EML6: variants seen among roughly 807,000 people sequenced by gnomAD.
The protein encoded by EML6 is echinoderm microtubule-associated protein-like 6.
In EML6, 154 loss-of-function variants were observed where a neutral mutation model predicts 240.1. The observed-to-expected ratio is 0.64, with a 90% CI of 0.56 to 0.73. The LOEUF (loss-of-function observed/expected upper bound fraction) is 0.73. EML6 is among the 30% of genes least tolerant of loss of function. The pLI is 0.00. For synonymous variants in EML6, 1,148 were observed against 899.0 expected (o/e 1.28, Z -4.95); for missense variants, 2,964 against 2,474.6 (o/e 1.20, Z -4.20).
At chr2:54,783,127 A>T (rs558125504) in intron 2 of EML6, among the ~76,000 whole-genome samples, 19 of 152,290 alleles carry the variant, frequency 1.2e-4, no homozygotes, top group Middle Eastern at 3.4e-3. Flanking sequence ...TAACTAATAA[A>T]AGTTACATCA....
chr2:54,896,719 G>T (rs1672790906), intron 21 of EML6, among the ~76,000 whole-genome samples: 1 of 152,180 alleles, frequency 6.6e-6, no homozygotes, highest in Admixed American at 6.5e-5. Flanking sequence ...CTGCAGGCTT[G>T]CTGTATTACG....
intron 4 of EML6, among the ~76,000 whole-genome samples, chr2:54,817,679 G>A (rs922740845): frequency 2.6e-5 from 4 of 152,116 alleles, no homozygotes; most frequent in Non-Finnish European, 5.9e-5. Context: ...AATATCTTAA[G>A]AACGTTTACA....
At chr2:54,965,352 C>A (rs1051605092) in intron 38 of EML6, among the ~76,000 whole-genome samples, 1 of 152,166 alleles carries the variant, frequency 6.6e-6, no homozygotes, top group African/African-American at 2.4e-5. Context: ...TTTGCTGAAC[C>A]GGGCACTATG....
Position 54,911,429 on chromosome 2 carries a change from A to G in EML6, c.3498+387A>G, listed in dbSNP as rs544519870. On this transcript the variant is annotated intron_variant, in intron 25 of 41. Coordinates refer to ENST00000356458, the MANE Select transcript of EML6 (RefSeq NM_001039753.4). Reference sequence around the variant, plus strand: ...TATGAACATTATTATCTATAACAACAGAATTTTTTTTTTTTTTTGAGGTGG... The same window carrying G: ...TATGAACATTATTATCTATAACAACGGAATTTTTTTTTTTTTTTGAGGTGG... 9.8e-5 allele frequency among the ~76,000 whole-genome samples: 14 copies of G among 143,486 alleles called. 1 individual carries two copies. The South Asian group carries it at 3.0e-3, about 31-fold the overall frequency. The allele number at this position is 143,486 out of a possible 152,430, so 94.1% of individuals were successfully genotyped here. A position where few individuals can be genotyped will look rare whatever the true frequency, so the allele number is the denominator to read the frequency against.
At chr2:54,962,447 G>A (rs967454117) in intron 35 of EML6, 76 bp from the exon 36 acceptor site, 2 of 1,129,322 alleles carry the variant, frequency 1.8e-6, no homozygotes, top group Non-Finnish European at 2.4e-6. Context: ...CCATGAATTT[G>A]TCTACTCTAG....
intron 26 of EML6, among the ~76,000 whole-genome samples, chr2:54,923,367 G>GCGCGCACA (rs1200496290): frequency 6.9e-6 from 1 of 144,364 alleles, no homozygotes; most frequent in African/African-American, 2.6e-5. Flanking sequence ...CTCACCAAAC[G>GCGCGCACA]CACACACACA....
intron 24 of EML6, among the ~76,000 whole-genome samples, chr2:54,905,671 A>T (rs561413801): frequency 6.6e-6 from 1 of 152,292 alleles, no homozygotes; most frequent in South Asian, 2.1e-4. Context: ...TACTGATGAC[A>T]TTCCCATTAA....
intron 2 of EML6, among the ~76,000 whole-genome samples, chr2:54,738,887 T>C (rs565688279): frequency 2.6e-5 from 4 of 152,296 alleles, no homozygotes; most frequent in South Asian, 2.1e-4. Flanking sequence ...CTAGGAGTGG[T>C]ATTGTTAGGT....
Position 54,971,736 on chromosome 2 carries a change from A to T in EML6, c.*1641A>T, listed in dbSNP as rs1186298895. On this transcript the variant is annotated 3_prime_UTR_variant, in exon 42 of 42. Transcript: ENST00000356458. ...TAACCATGTCTGCCTATCTTGTACT[A>T]GACTCTTCATGCTGATCGGATCTTG... The T allele has an allele frequency of 6.6e-6, 1 of 152,198 alleles. No homozygotes were observed. The highest frequency in any genetic ancestry group is 1.5e-5 in the Non-Finnish European group (1 of 68,034). The allele number at this position is 152,198 out of a possible 1,614,324, so 9.4% of individuals were successfully genotyped here.
chr2:54,881,700 C>G (rs370019871), intron 17 of EML6: 1 of 149,732 alleles, frequency 6.7e-6, no homozygotes, highest in East Asian at 1.9e-4. Flanking sequence ...GAAGCGACAA[C>G]GAAGTAATCC....
intron 2 of EML6, among the ~76,000 whole-genome samples, chr2:54,801,715 A>T (rs1670158627): frequency 1.3e-5 from 2 of 152,238 alleles, no homozygotes; most frequent in South Asian, 4.1e-4. Context: ...TCTTCTGAAC[A>T]AACTATTGTA....
At chr2:54,891,303 G>C (rs991958455) in intron 18 of EML6, 149 bp downstream of exon 18, 8 of 504,290 alleles carry the variant, frequency 1.6e-5, no homozygotes, top group Admixed American at 3.1e-5. Flanking sequence ...AGTTCGCTTA[G>C]AACGCTTGAA....
chr2:54,786,125 ATCAAT>A, intron 2 of EML6, among the ~76,000 whole-genome samples: 1 of 151,936 alleles, frequency 6.6e-6, no homozygotes, highest in East Asian at 1.9e-4. Flanking sequence ...TTCTGGTGTA[ATCAAT>A]TTGAGAAGTC....
intron 17 of EML6, among the ~76,000 whole-genome samples, chr2:54,886,139 CTTTTTTTTTTTTTTAACCTTCTTTTTT>C (rs1672122843): frequency 8.0e-6 from 1 of 125,464 alleles, no homozygotes; most frequent in Admixed American, 8.0e-5. Context: ...CAAATGTTTC[CTTTTTTTTTTTTTTAACCTTCTTTTTT>C]TTTTTTTTTT....
intron 22 of EML6, 67 bp from the exon 23 acceptor site, chr2:54,902,977 C>G (rs765092317): frequency 8.4e-6 from 12 of 1,426,648 alleles, no homozygotes; most frequent in Admixed American, 2.1e-5. Flanking sequence ...ATTTCTTCAT[C>G]TTTTCATGTG....
At chr2:54,875,709 TATCTC>T (rs1256530864) in intron 16 of EML6, among the ~76,000 whole-genome samples, 38 of 152,352 alleles carry the variant, frequency 2.5e-4, no homozygotes, top group African/African-American at 9.1e-4. Flanking sequence ...GAATTTATAT[TATCTC>T]AGTTGAGAAC....
chr2:54,839,298 T>C (rs537873984), intron 7 of EML6, among the ~76,000 whole-genome samples: 4 of 152,318 alleles, frequency 2.6e-5, no homozygotes, highest in East Asian at 3.9e-4. Flanking sequence ...TGGGATGTTA[T>C]TAGGAAACAT....
intron 2 of EML6, among the ~76,000 whole-genome samples, chr2:54,782,666 A>ATTT (rs11389809): frequency 5.6e-4 from 80 of 144,008 alleles, no homozygotes; most frequent in African/African-American, 1.8e-3. Flanking sequence ...ACCTACTTGT[A>ATTT]TTTTTTTTTT....
At chr2:54,950,259 A>G (rs888975101) in intron 29 of EML6, among the ~76,000 whole-genome samples, 7 of 152,204 alleles carry the variant, frequency 4.6e-5, no homozygotes, top group African/African-American at 1.7e-4. Flanking sequence ...CACATTGATG[A>G]GAGTTTATTA....
Sources: gnomAD v4.1 joint callset for allele counts (sites outside exome capture counted in the v4.1 genomes callset) on GRCh38, gnomAD v4.1.1 for gene constraint, MANE v1.5 for transcripts, NCBI Gene and HGNC (gene_info 2026-07-23, HGNC 2026-07-21) for gene names.